EIF2AK2: variants seen among roughly 807,000 people sequenced by gnomAD.
EIF2AK2 encodes the protein interferon-induced, double-stranded RNA-activated protein kinase.
A neutral mutation model predicts 70.5 loss-of-function variants in EIF2AK2; 40 were observed. The ratio of observed to expected loss-of-function variants is 0.57; its 90% CI spans 0.44 to 0.74. The LOEUF (loss-of-function observed/expected upper bound fraction) is 0.74. Ranked by LOEUF, EIF2AK2 falls within the 30% of genes least tolerant of loss-of-function variation. EIF2AK2 has a pLI of 0.00. For synonymous variants in EIF2AK2, 198 were observed against 220.9 expected (o/e 0.90, Z 0.92); for missense variants, 555 against 644.3 (o/e 0.86, Z 1.50).
intron 4 of EIF2AK2, among the ~76,000 whole-genome samples, chr2:37,143,870 G>GTACGA (rs1675429679): frequency 6.6e-6 from 1 of 152,032 alleles, no homozygotes; most frequent in Non-Finnish European, 1.5e-5. Flanking sequence ...GGGTGACAGA[G>GTACGA]TACGACCCTG....
At position 37,135,964 on chromosome 2, in the gene EIF2AK2, C is replaced by T. The variant is rs4648202; in HGVS notation, c.723-418G>A. Among the ~76,000 whole-genome samples, 4 of 151,794 alleles carry T rather than the reference C, an allele frequency of 2.6e-5. No homozygotes were observed. In the East Asian group the frequency reaches 7.7e-4, roughly 29 times the overall value. ...TTTCTTTATAAAACTATATACTTAC[C>T]GTTCTCCTCTGGCCTCTAATACTTT... is the stretch of plus-strand genomic sequence containing the variant. On this transcript the variant is annotated intron_variant, in intron 9 of 16. Coordinates refer to ENST00000233057, the MANE Select transcript of EIF2AK2 (RefSeq NM_001135651.3).
Position 37,147,669 on chromosome 2 carries a change from A to AT in EIF2AK2, c.119+18dup. 1 of 1,541,882 alleles carries AT rather than the reference A, an allele frequency of 6.5e-7. No individual in the cohort carries two copies. On this transcript the variant is annotated intron_variant, in intron 3 of 16. Coordinates refer to ENST00000233057, the MANE Select transcript of EIF2AK2 (RefSeq NM_001135651.3). Reference sequence around the variant, plus strand: ...CATCATTTTTTATGGCTGCCATATCATTTTTTATAGCAACCTACCTCCTAT... The same window carrying AT: ...CATCATTTTTTATGGCTGCCATATCATTTTTTTATAGCAACCTACCTCCTAT...
chr2:37,115,313 T>C (rs4648231), intron 13 of EIF2AK2: 146,644 of 152,706 alleles, frequency 0.96, 70,711 homozygotes, highest in East Asian at 1. Context: ...CCACCCACCT[T>C]GGCCTCCCAA....
In EIF2AK2 at chr2:37,107,458, A is replaced by G. The variant is rs1316497102; in HGVS notation, c.1533+16T>C. Reference sequence around the variant, plus strand: ...CATTGAAATAAATAAAATTCTGATGATTTTCAAGTGCTTACTTCTTTTTTA... The same window carrying G: ...CATTGAAATAAATAAAATTCTGATGGTTTTCAAGTGCTTACTTCTTTTTTA... On this transcript the variant is annotated intron_variant, in intron 16 of 16. Coordinates refer to ENST00000233057, the MANE Select transcript of EIF2AK2 (RefSeq NM_001135651.3). 6.2e-7 allele frequency: 1 copy of G among 1,612,050 alleles called. No individual in the cohort carries two copies. Among genetic ancestry groups the G allele is most frequent in the Non-Finnish European group, 8.5e-7 (1 of 1,179,532 alleles).
chr2:37,116,533 G>A (rs1458864245), intron 13 of EIF2AK2, among the ~76,000 whole-genome samples: 1 of 152,224 alleles, frequency 6.6e-6, no homozygotes, highest in East Asian at 1.9e-4. Flanking sequence ...GGCCTACCTA[G>A]TAAGGACCTA....
chr2:37,148,669 G>A lies in EIF2AK2; in HGVS notation c.-17+188C>T, dbSNP rs1675640750. 2.6e-5 allele frequency: 21 copies of A among 820,302 alleles called. No individual in the cohort carries two copies. The South Asian group carries it at 2.6e-4, about 10-fold the overall frequency. The allele number at this position is 820,302 out of a possible 1,614,324, so 50.8% of individuals were successfully genotyped here. On this transcript the variant is annotated intron_variant, in intron 2 of 16. Coordinates refer to ENST00000233057, the MANE Select transcript of EIF2AK2 (RefSeq NM_001135651.3). ...TTTTACTTCAACTTAGAACTGGAAG[G>A]ACACTTTCTAGGAACAATACAATTT...
chr2:37,134,366 T>C (rs1343629760), intron 10 of EIF2AK2, among the ~76,000 whole-genome samples: 1 of 152,206 alleles, frequency 6.6e-6, no homozygotes, highest in Non-Finnish European at 1.5e-5. Context: ...TGTAAGATCC[T>C]TAAACCTAAC....
intron 14 of EIF2AK2, among the ~76,000 whole-genome samples, chr2:37,111,861 CAAAA>C (rs1196685884): frequency 1.2e-4 from 4 of 32,088 alleles, no homozygotes; most frequent in Admixed American, 6.2e-4. Flanking sequence ...GACCCTGTCT[CAAAA>C]AAAAAAAAAA....
rs78301215 is a variant in EIF2AK2, at chr2:37,118,735, A to G, written c.1248+1224T>C. 1.8e-3 allele frequency among the ~76,000 whole-genome samples: 280 copies of G among 152,342 alleles called. 1 individual carries two copies. Among genetic ancestry groups the G allele is most frequent in the African/African-American group, 6.6e-3 (274 of 41,574 alleles). On this transcript the variant is annotated intron_variant, in intron 13 of 16. Coordinates refer to ENST00000233057, the MANE Select transcript of EIF2AK2 (RefSeq NM_001135651.3). The stretch of plus-strand genomic sequence containing the variant: ...GGAACCAGACAGACTCAAAACACCA[A>G]TGCATCAGACATCCAGCCCCTGGGC...
chr2:37,111,875 AAAAAT>A (rs1454398883), intron 14 of EIF2AK2, among the ~76,000 whole-genome samples: 34 of 40,140 alleles, frequency 8.5e-4, no homozygotes, highest in South Asian at 1.8e-3. Flanking sequence ...AAAAAAAAAA[AAAAAT>A]ATATATATAT....
chr2:37,099,212 G>T lies in EIF2AK2; in HGVS notation c.*8061C>A, dbSNP rs1043857443. On this transcript the variant is annotated 3_prime_UTR_variant, in exon 17 of 17. Transcript: ENST00000233057. Reference sequence around the variant, plus strand: ...AATAAATACTTTAACATACCAAATTGGTTTTTCTAATAAACATTTATTTCA... The same window carrying T: ...AATAAATACTTTAACATACCAAATTTGTTTTTCTAATAAACATTTATTTCA... 12 of 151,988 alleles carry T rather than the reference G, an allele frequency of 7.9e-5. No individual in the cohort carries two copies. The highest frequency in any genetic ancestry group is 1.6e-4 in the Non-Finnish European group (11 of 68,012). 9.4% of individuals were successfully genotyped at this position (151,988 alleles called of 1,614,324 possible).
intron 10 of EIF2AK2, among the ~76,000 whole-genome samples, chr2:37,135,279 G>C (rs968430767): frequency 6.6e-6 from 1 of 152,180 alleles, no homozygotes; most frequent in African/African-American, 2.4e-5. Flanking sequence ...TAGATTCTTG[G>C]TTTGGGAACA....
chr2:37,153,516 C>T (rs1675819202), intron 1 of EIF2AK2, among the ~76,000 whole-genome samples: 1 of 151,516 alleles, frequency 6.6e-6, no homozygotes, highest in Non-Finnish European at 1.5e-5. Flanking sequence ...TTTATATTTT[C>T]TAATCTCTCT....
chr2:37,141,712 A>T lies in EIF2AK2; in HGVS notation c.241-11T>A. The T allele has an allele frequency of 6.3e-7, 1 of 1,590,650 alleles. No homozygotes were observed. The highest frequency in any genetic ancestry group is 2.2e-5 in the East Asian group (1 of 44,666). ...TAAAGGACTAACTGCCTACAAAGAA[A>T]AAAAATTCCTGTTTAATATAAATGA... is the stretch of plus-strand genomic sequence containing the variant. On this transcript the variant is annotated splice_polypyrimidine_tract_variant and intron_variant, in intron 4 of 16. Transcript: ENST00000233057.
chr2:37,151,976 G>A (rs913514575), intron 1 of EIF2AK2, among the ~76,000 whole-genome samples: 1 of 152,254 alleles, frequency 6.6e-6, no homozygotes, highest in Non-Finnish European at 1.5e-5. Context: ...TGAGGCAGGA[G>A]AATGGCGTGA....
At chr2:37,119,148 C>T (rs1412048135) in intron 13 of EIF2AK2, among the ~76,000 whole-genome samples, 1 of 152,148 alleles carries the variant, frequency 6.6e-6, no homozygotes, top group Non-Finnish European at 1.5e-5. Flanking sequence ...TGTCTCTCAC[C>T]TTCTGTCATT....
chr2:37,140,209 G>A (rs747642464), intron 5 of EIF2AK2, among the ~76,000 whole-genome samples: 6 of 151,446 alleles, frequency 4.0e-5, no homozygotes, highest in Non-Finnish European at 8.8e-5. Flanking sequence ...AGCAAAGCAT[G>A]GATTCTGCTC....
chr2:37,128,034 G>A (rs1190064194), intron 10 of EIF2AK2, among the ~76,000 whole-genome samples: 1 of 152,130 alleles, frequency 6.6e-6, no homozygotes, highest in African/African-American at 2.4e-5. Flanking sequence ...GAGCCACTGT[G>A]CTTGGCCTGT....
At chr2:37,144,937 A>G (rs1001908478) in intron 4 of EIF2AK2, among the ~76,000 whole-genome samples, 1 of 152,066 alleles carries the variant, frequency 6.6e-6, no homozygotes, top group Non-Finnish European at 1.5e-5. Context: ...CCCAGGCTGG[A>G]GTACAGTGGC....
Sources: gnomAD v4.1 joint callset for allele counts (sites outside exome capture counted in the v4.1 genomes callset) on GRCh38, gnomAD v4.1.1 for gene constraint, MANE v1.5 for transcripts, NCBI Gene and HGNC (gene_info 2026-07-23, HGNC 2026-07-21) for gene names.